Variants in CNTN5 observed in about 807,000 individuals in gnomAD.
CNTN5 encodes the protein contactin 5.
In CNTN5, 77 loss-of-function variants were observed where a neutral mutation model predicts 129.1. That is an observed-to-expected ratio of 0.60 (90% confidence interval 0.50 to 0.72). The LOEUF (loss-of-function observed/expected upper bound fraction) is 0.72. Among genes scored for constraint, CNTN5 ranks in the 30% least tolerant of loss-of-function variants. The pLI is 0.00. For missense variants in CNTN5, 1,478 were observed against 1,328.8 expected (o/e 1.11, Z -1.75); for synonymous variants, 509 against 465.6 (o/e 1.09, Z -1.20).
intron 6 of CNTN5, among the ~76,000 whole-genome samples, chr11:99,892,591 C>T (rs1949091979): frequency 6.6e-6 from 1 of 152,140 alleles, no homozygotes; most frequent in African/African-American, 2.4e-5. Context: ...GGAATCCTTT[C>T]CCCATTGCTT....
chr11:100,163,810 T>C (rs1947534256), intron 13 of CNTN5, among the ~76,000 whole-genome samples: 2 of 151,898 alleles, frequency 1.3e-5, no homozygotes, highest in Admixed American at 1.3e-4. Context: ...CCTAAGGATA[T>C]TTCTGAGTGA....
chr11:99,678,657 A>G (rs1430335832), intron 3 of CNTN5, among the ~76,000 whole-genome samples: 1 of 152,072 alleles, frequency 6.6e-6, no homozygotes, highest in African/African-American at 2.4e-5. Flanking sequence ...AAGAGAATCC[A>G]TGAAAAATGG....
chr11:99,453,046 T>G (rs767302425), intron 2 of CNTN5, among the ~76,000 whole-genome samples: 42 of 152,316 alleles, frequency 2.8e-4, no homozygotes, highest in Non-Finnish European at 1.5e-4. Context: ...GTTAGTCACT[T>G]TGTAAGGCAT....
intron 10 of CNTN5, among the ~76,000 whole-genome samples, chr11:100,063,706 TAAAAAA>T (rs35896237): frequency 8.7e-6 from 1 of 115,284 alleles, no homozygotes; most frequent in East Asian, 2.6e-4. Flanking sequence ...AACCTGTCTC[TAAAAAA>T]AAAAAAAAAA....
At chr11:99,022,689 A>C (rs1862929233) in intron 1 of CNTN5, among the ~76,000 whole-genome samples, 1 of 148,004 alleles carries the variant, frequency 6.8e-6, no homozygotes, top group Admixed American at 6.6e-5. Context: ...GGAAAAAGGC[A>C]AAAAAAATCA....
At chr11:99,200,040 C>T (rs769088103) in intron 1 of CNTN5, among the ~76,000 whole-genome samples, 1 of 152,130 alleles carries the variant, frequency 6.6e-6, no homozygotes. Flanking sequence ...TACTGTATTG[C>T]TTCCCAATAC....
chr11:99,965,418 C>G (rs915716810), intron 8 of CNTN5, among the ~76,000 whole-genome samples: 1 of 152,002 alleles, frequency 6.6e-6, no homozygotes, highest in African/African-American at 2.4e-5. Flanking sequence ...TCGTTATGTA[C>G]CCAGTAGTCA....
chr11:99,122,415 T>G (rs1858388924), intron 1 of CNTN5, among the ~76,000 whole-genome samples: 1 of 152,142 alleles, frequency 6.6e-6, no homozygotes, highest in Non-Finnish European at 1.5e-5. Flanking sequence ...AAATAAGTGA[T>G]GTATAGAAAC....
rs775464859 is a variant in CNTN5, at chr11:100,350,727, G to C, written c.3056G>C (p.Ser1019Thr). 6.2e-7 allele frequency: 1 copy of C among 1,607,394 alleles called. No individual in the cohort carries two copies. Among genetic ancestry groups the C allele is most frequent in the Admixed American group, 1.7e-5 (1 of 59,456 alleles). The change falls in exon 24 of 25, where the codon AGC becomes ACC. Residue 1019 changes from serine to threonine, a missense_variant. By Grantham distance (58) the Ser-to-Thr change is moderately conservative. Transcript: ENST00000524871. Reference sequence around the variant, plus strand: ...GTTTTTTATAGGCAAGAGGGTCACAGCAACAGCCAAGTTATTGAAACACAG... The same window carrying C: ...GTTTTTTATAGGCAAGAGGGTCACACCAACAGCCAAGTTATTGAAACACAG... ...YKVFYRQEGH[S>T]NSQVIETQKL... is the part of the protein sequence containing the mutation.
At chr11:100,113,484 GA>G (rs1352719240) in intron 13 of CNTN5, among the ~76,000 whole-genome samples, 10 of 54,402 alleles carry the variant, frequency 1.8e-4, no homozygotes, top group Non-Finnish European at 3.7e-4. Flanking sequence ...GAAAGAAAAA[GA>G]AAAAAACAAG....
chr11:99,860,865 G>A (rs958265813), intron 6 of CNTN5, among the ~76,000 whole-genome samples: 1 of 151,320 alleles, frequency 6.6e-6, no homozygotes, highest in Non-Finnish European at 1.5e-5. Context: ...GATAGGAATA[G>A]TGTTGAATCT....
At chr11:100,019,011 A>C (rs1202748309) in intron 9 of CNTN5, among the ~76,000 whole-genome samples, 2 of 151,836 alleles carry the variant, frequency 1.3e-5, no homozygotes, top group Admixed American at 6.6e-5. Flanking sequence ...TTATTATTAA[A>C]TTTTGCGTGA....
intron 18 of CNTN5, among the ~76,000 whole-genome samples, chr11:100,275,181 A>G (rs1950482633): frequency 6.6e-6 from 1 of 152,040 alleles, no homozygotes; most frequent in Non-Finnish European, 1.5e-5. Context: ...TGATTTGCCT[A>G]TTATAAGTTG....
intron 24 of CNTN5, among the ~76,000 whole-genome samples, chr11:100,353,898 C>T (rs1952470722): frequency 6.6e-6 from 1 of 151,474 alleles, no homozygotes; most frequent in South Asian, 2.1e-4. Context: ...ATCTTTGCAA[C>T]TAAAACTACC....
chr11:99,975,217 A>C (rs1937865560), intron 8 of CNTN5, among the ~76,000 whole-genome samples: 2 of 152,158 alleles, frequency 1.3e-5, no homozygotes, highest in African/African-American at 4.8e-5. Flanking sequence ...TTTAAGGTTT[A>C]ATGGGAGTCC....
At chr11:99,642,639 T>C (rs1301742508) in intron 3 of CNTN5, among the ~76,000 whole-genome samples, 1 of 152,172 alleles carries the variant, frequency 6.6e-6, no homozygotes, top group East Asian at 1.9e-4. Context: ...CTAGCTATTT[T>C]GAAATATGCT....
chr11:99,584,023 T>C (rs1949709229), intron 3 of CNTN5, among the ~76,000 whole-genome samples: 4 of 152,194 alleles, frequency 2.6e-5, no homozygotes, highest in Admixed American at 1.3e-4. Context: ...GTAACAGCCA[T>C]CATTATAAAA....
intron 1 of CNTN5, among the ~76,000 whole-genome samples, chr11:99,221,339 G>A (rs1331262878): frequency 6.6e-6 from 1 of 151,852 alleles, no homozygotes. Context: ...AGAGACACAG[G>A]TAACAGATGA....
chr11:100,214,195 AT>A (rs60882019), intron 15 of CNTN5, among the ~76,000 whole-genome samples: 7,238 of 152,240 alleles, frequency 0.048, 484 homozygotes, highest in African/African-American at 0.15. Context: ...GTAAAAAAAA[AT>A]GTATGAAAGT....
Sources: allele counts gnomAD v4.1 joint callset (sites outside exome capture counted in the v4.1 genomes callset), GRCh38; gene constraint gnomAD v4.1.1; transcripts MANE v1.5; gene names NCBI Gene and HGNC (gene_info 2026-07-23, HGNC 2026-07-21).